Variants in CDH23 observed in about 807,000 individuals in gnomAD.
The protein encoded by CDH23 is cadherin related 23.
CDH23 carries 189 observed loss-of-function variants against 317.1 expected under a neutral mutation model. That is an observed-to-expected ratio of 0.60 (90% confidence interval 0.53 to 0.67). CDH23 has a LOEUF of 0.67. Ranked by LOEUF, CDH23 falls within the 30% of genes least tolerant of loss-of-function variation. The pLI is 0.00. For synonymous variants in CDH23, 1,839 were observed against 1,876.8 expected, an observed-to-expected ratio of 0.98 and a Z score of 0.52; for missense variants, 4,401 against 4,592.4, an observed-to-expected ratio of 0.96 and a Z score of 1.20.
At chr10:71,477,874 G>A (rs749140255) in intron 3 of CDH23, among the ~76,000 whole-genome samples, 1 of 152,056 alleles carries the variant, frequency 6.6e-6, no homozygotes, top group Non-Finnish European at 1.5e-5. Context: ...GCTTAGGCAG[G>A]ACTGGTAAAT....
chr10:71,521,349 C>A (rs1453622036), intron 6 of CDH23, among the ~76,000 whole-genome samples: 1 of 152,152 alleles, frequency 6.6e-6, no homozygotes, highest in Non-Finnish European at 1.5e-5. Flanking sequence ...TGTGGGAGGC[C>A]TTTTCCCACT....
At chr10:71,614,646 G>A (rs951342267) in intron 9 of CDH23, among the ~76,000 whole-genome samples, 12 of 152,254 alleles carry the variant, frequency 7.9e-5, no homozygotes, top group African/African-American at 2.7e-4. Flanking sequence ...GTGGGGACCA[G>A]AAAGGGCCAG....
chr10:71,709,788 T>C (rs768317618), intron 27 of CDH23, among the ~76,000 whole-genome samples: 2 of 152,066 alleles, frequency 1.3e-5, no homozygotes, highest in African/African-American at 2.4e-5. Flanking sequence ...TTCACGCTGC[T>C]GATAAAGACA....
At position 71,799,118 on chromosome 10, in the gene CDH23, C is replaced by G. The variant is rs1841486951; in HGVS notation, c.7062C>G (p.Val2354=). ...VQLEDSSAGK[V]IANRTVDYEE... Reference sequence around the variant, plus strand: ...GGAGCCTCTGTGTCTTAGGGAAGGTCATTGCCAACCGGACAGTGGACTACG... The same window carrying G: ...GGAGCCTCTGTGTCTTAGGGAAGGTGATTGCCAACCGGACAGTGGACTACG... Residue 2354 remains valine, a synonymous_variant, in exon 51 of 70, where the codon GTC becomes GTG. Coordinates refer to ENST00000224721, the MANE Select transcript of CDH23 (RefSeq NM_022124.6). The G allele has an allele frequency of 3.1e-6, 5 of 1,613,000 alleles. No homozygotes were observed. Among genetic ancestry groups the G allele is most frequent in the Non-Finnish European group, 4.2e-6 (5 of 1,179,084 alleles).
At chr10:71,691,645 G>A (rs1248493788) in intron 20 of CDH23, among the ~76,000 whole-genome samples, 1 of 152,168 alleles carries the variant, frequency 6.6e-6, no homozygotes, top group Non-Finnish European at 1.5e-5. Context: ...CACTGCAGAA[G>A]GGAAAAGAGA....
At chr10:71,727,968 A>G (rs1386755559) in intron 30 of CDH23, among the ~76,000 whole-genome samples, 1 of 152,134 alleles carries the variant, frequency 6.6e-6, no homozygotes, top group Non-Finnish European at 1.5e-5. Context: ...GGCTGGTGGC[A>G]TGTAGCCAGA....
intron 28 of CDH23, among the ~76,000 whole-genome samples, chr10:71,722,266 C>A (rs544461896): frequency 1.2e-3 from 177 of 152,254 alleles, no homozygotes; most frequent in African/African-American, 4.0e-3. Flanking sequence ...TATAGCAAGA[C>A]CCTGTCTCTA....
intron 6 of CDH23, among the ~76,000 whole-genome samples, chr10:71,532,438 C>T (rs1855427655): frequency 6.6e-6 from 1 of 152,164 alleles, no homozygotes; most frequent in African/African-American, 2.4e-5. Context: ...CACTGAGCGT[C>T]AGGGGTGGAG....
chr10:71,527,279 C>T (rs527869245), intron 6 of CDH23, among the ~76,000 whole-genome samples: 4 of 152,356 alleles, frequency 2.6e-5, no homozygotes, highest in East Asian at 1.9e-4. Flanking sequence ...CCTTCTGTCC[C>T]GGGTGTCTCC....
chr10:71,637,513 T>G (rs1369249213), intron 11 of CDH23, among the ~76,000 whole-genome samples: 1 of 152,144 alleles, frequency 6.6e-6, no homozygotes, highest in Non-Finnish European at 1.5e-5. Flanking sequence ...ATGAGGAAAT[T>G]GAGGCTCAAG....
intron 38 of CDH23, among the ~76,000 whole-genome samples, chr10:71,764,744 G>C (rs988891922): frequency 1.3e-5 from 2 of 152,178 alleles, no homozygotes; most frequent in Non-Finnish European, 2.9e-5. Flanking sequence ...ATTTGAGTTT[G>C]TGATGAATGA....
chr10:71,742,090 A>C, intron 38 of CDH23, 169 bp downstream of exon 38: 1 of 641,944 alleles, frequency 1.6e-6, no homozygotes, highest in South Asian at 2.0e-5. Context: ...GCCTCCCCTT[A>C]CGGAGGCCTG....
chr10:71,710,019 G>A (rs1322965447), intron 27 of CDH23, among the ~76,000 whole-genome samples: 2 of 152,078 alleles, frequency 1.3e-5, no homozygotes, highest in African/African-American at 2.4e-5. Flanking sequence ...TTACTACCAC[G>A]AGAACAGTGT....
rs188715014 is a variant in CDH23, at chr10:71,792,068, G to A, written c.6253+733G>A. On this transcript the variant is annotated intron_variant, in intron 47 of 69. Transcript: ENST00000224721. Reference sequence around the variant, plus strand: ...TTTTATAACATATTATAAAGCTACAGTATTTAAGGCCATGCAATATGGGCA... The same window carrying A: ...TTTTATAACATATTATAAAGCTACAATATTTAAGGCCATGCAATATGGGCA... Among the ~76,000 whole-genome samples the A allele has an allele frequency of 1.2e-3, 176 of 152,254 alleles. No individual in the cohort carries two copies. In the South Asian group the frequency reaches 0.016, roughly 14 times the overall value.
chr10:71,729,328 G>C (rs890627652), intron 30 of CDH23, among the ~76,000 whole-genome samples: 1 of 152,168 alleles, frequency 6.6e-6, no homozygotes, highest in South Asian at 2.1e-4. Context: ...TGTAAGAAGC[G>C]CCCACAGGAA....
rs960028001 is a variant in CDH23 at position 71,792,704 on chromosome 10, C to T, written c.6254-478C>T. On this transcript the variant is annotated intron_variant, in intron 47 of 69. Coordinates refer to ENST00000224721, the MANE Select transcript of CDH23 (RefSeq NM_022124.6). ...AGGCATGGTAGTGGGTGCCTGTAATCCCAGCTACTCAGGAGTCTGCTGCAT... is the reference window on the plus strand; with the variant it reads ...AGGCATGGTAGTGGGTGCCTGTAATTCCAGCTACTCAGGAGTCTGCTGCAT... Among the ~76,000 whole-genome samples, 189 of 150,876 alleles carry T rather than the reference C, an allele frequency of 1.3e-3. 1 individual carries two copies. The highest frequency in any genetic ancestry group is 4.5e-3 in the African/African-American group (184 of 41,162).
chr10:71,472,459 G>T (rs1037232603), intron 3 of CDH23, among the ~76,000 whole-genome samples: 1 of 152,122 alleles, frequency 6.6e-6, no homozygotes, highest in African/African-American at 2.4e-5. Flanking sequence ...CCCTCTCTTC[G>T]CAGCTCTAAC....
chr10:71,751,009 C>T lies in CDH23; in HGVS notation c.4845+9088C>T. On this transcript the variant is annotated intron_variant, in intron 38 of 69. Coordinates refer to ENST00000224721, the MANE Select transcript of CDH23 (RefSeq NM_022124.6). The surrounding 1 kb of genome is among the most constrained non-coding windows in gnomAD (Gnocchi z 4.9). ...TTTGGCATCTGTAGCTGGTGAATTT[C>T]AGGTCTCTAGGGGAGAATCTCAGCA... The T allele has an allele frequency of 2.1e-6, 1 of 466,352 alleles. No individual in the cohort carries two copies. The highest frequency in any genetic ancestry group is 3.8e-6 in the Non-Finnish European group (1 of 260,256). The allele number at this position is 466,352 out of a possible 1,614,324, so 28.9% of individuals were successfully genotyped here.
intron 6 of CDH23, among the ~76,000 whole-genome samples, chr10:71,530,528 C>CT (rs1318128037): frequency 6.6e-6 from 1 of 152,240 alleles, no homozygotes; most frequent in Non-Finnish European, 1.5e-5. Flanking sequence ...TGTTGCCTGG[C>CT]TGGCATGGCA....
Sources: gnomAD v4.1 joint callset for allele counts (sites outside exome capture counted in the v4.1 genomes callset) on GRCh38, gnomAD v4.1.1 for gene constraint, Gnocchi (gnomAD v3.1) non-coding constraint, MANE v1.5 for transcripts, NCBI Gene and HGNC (gene_info 2026-07-23, HGNC 2026-07-21) for gene names.